MEGF11: variants seen among roughly 807,000 people sequenced by gnomAD.
MEGF11 encodes multiple EGF like domains 11.
A neutral mutation model predicts 146.6 loss-of-function variants in MEGF11; 126 were observed. The ratio of observed to expected loss-of-function variants is 0.86; its 90% CI spans 0.74 to 1.00. The LOEUF is 1.00. Ranked by LOEUF, MEGF11 falls within the 50% of genes least tolerant of loss-of-function variation. MEGF11 has a pLI of 0.00. For missense variants in MEGF11, 1,509 were observed against 1,521.2 expected (o/e 0.99, Z 0.13); for synonymous variants, 532 against 583.4 (o/e 0.91, Z 1.27).
At chr15:66,048,233 A>C (rs1325626001) in intron 5 of MEGF11, among the ~76,000 whole-genome samples, 6 of 152,232 alleles carry the variant, frequency 3.9e-5, no homozygotes, top group Non-Finnish European at 7.3e-5. Context: ...GGCATGAGGC[A>C]CCGCGCCCAG....
At chr15:65,977,166 C>CAAAAAAAA (rs372969314) in intron 7 of MEGF11, among the ~76,000 whole-genome samples, 8 of 91,306 alleles carry the variant, frequency 8.8e-5, no homozygotes, top group Non-Finnish European at 1.5e-4. Context: ...GACTCCGTCT[C>CAAAAAAAA]AAAAAAAAAA....
chr15:65,973,742 T>C (rs1276403980), intron 7 of MEGF11, among the ~76,000 whole-genome samples: 2 of 152,260 alleles, frequency 1.3e-5, no homozygotes, highest in East Asian at 3.8e-4. Flanking sequence ...AATCTTATTC[T>C]GTGGCAGAAA....
Position 65,906,133 on chromosome 15 carries a change from C to T in MEGF11, c.3007G>A (p.Gly1003Arg). ...PAEPHSPGAC[G>R]MDRRQNTYIM... ...TATGTGTTCTGACGTCTATCCATTC[C>T]ACAAGCACCTGTGTAAAAATAACAT... The change falls in exon 24 of 26, where the codon GGA becomes AGA. Residue 1003 changes from glycine (G) to arginine (R), a missense_variant. Transcript: ENST00000395614. 6.2e-7 allele frequency: 1 copy of T among 1,609,476 alleles called. No homozygotes were observed. Among genetic ancestry groups the T allele is most frequent in the Non-Finnish European group, 8.5e-7 (1 of 1,177,746 alleles).
At chr15:66,111,138 TA>T (rs1567245611) in intron 4 of MEGF11, among the ~76,000 whole-genome samples, 1 of 152,168 alleles carries the variant, frequency 6.6e-6, no homozygotes, top group African/African-American at 2.4e-5. Flanking sequence ...TTCTGTCCTG[TA>T]AAAGGGCAGT....
intron 1 of MEGF11, among the ~76,000 whole-genome samples, chr15:66,222,278 G>A (rs942729960): frequency 2.0e-5 from 3 of 151,918 alleles, no homozygotes; most frequent in South Asian, 4.2e-4. Flanking sequence ...GCCCTGCCTC[G>A]CCATTCATCC....
At chr15:65,948,230 G>C (rs2080268302) in intron 10 of MEGF11, among the ~76,000 whole-genome samples, 1 of 152,112 alleles carries the variant, frequency 6.6e-6, no homozygotes, top group African/African-American at 2.4e-5. Context: ...AGTAGGCTGG[G>C]AGTCATGTCG....
chr15:65,972,852 C>T (rs1190959633), intron 7 of MEGF11, among the ~76,000 whole-genome samples: 8 of 151,912 alleles, frequency 5.3e-5, no homozygotes, highest in African/African-American at 1.5e-4. Context: ...AAGCTGGGCA[C>T]GGTGGCTCAC....
At chr15:66,242,441 G>A (rs1426103653) in intron 1 of MEGF11, among the ~76,000 whole-genome samples, 1 of 126,588 alleles carries the variant, frequency 7.9e-6, no homozygotes, top group Non-Finnish European at 1.6e-5. Flanking sequence ...GAAAGAAAAA[G>A]AAGAAGAAAG....
chr15:66,069,987 C>T (rs1288915739), intron 5 of MEGF11, among the ~76,000 whole-genome samples: 1 of 152,154 alleles, frequency 6.6e-6, no homozygotes, highest in East Asian at 1.9e-4. Flanking sequence ...GCTTGCTGAC[C>T]ACCGCTCTAA....
At chr15:66,118,887 G>A (rs1274229665) in intron 4 of MEGF11, among the ~76,000 whole-genome samples, 199 bp downstream of exon 4, 1 of 152,138 alleles carries the variant, frequency 6.6e-6, no homozygotes, top group Non-Finnish European at 1.5e-5. Flanking sequence ...TGATCTGATG[G>A]CCCAACCCTT....
At chr15:66,164,872 G>C (rs1175528951) in intron 1 of MEGF11, among the ~76,000 whole-genome samples, 1 of 152,236 alleles carries the variant, frequency 6.6e-6, no homozygotes, top group African/African-American at 2.4e-5. Context: ...AGGTCCATCT[G>C]TTTGCCAGTT....
chr15:66,112,269 G>A (rs902032200), intron 4 of MEGF11, among the ~76,000 whole-genome samples: 6 of 151,804 alleles, frequency 4.0e-5, no homozygotes, highest in African/African-American at 1.5e-4. Context: ...AGAAGGAATG[G>A]AATTCATAAT....
intron 2 of MEGF11, among the ~76,000 whole-genome samples, chr15:66,125,438 G>A (rs1262290973): frequency 6.6e-6 from 1 of 152,212 alleles, no homozygotes; most frequent in Non-Finnish European, 1.5e-5. Flanking sequence ...GGATGAATGG[G>A]GAGCGTGCAC....
At chr15:66,219,802 G>C (rs2091685792) in intron 1 of MEGF11, among the ~76,000 whole-genome samples, 1 of 152,202 alleles carries the variant, frequency 6.6e-6, no homozygotes, top group Non-Finnish European at 1.5e-5. Flanking sequence ...ATCTATATGA[G>C]AAAGTTTATA....
At chr15:65,924,306 C>T (rs1452358256) in intron 13 of MEGF11, among the ~76,000 whole-genome samples, 1 of 132,864 alleles carries the variant, frequency 7.5e-6, no homozygotes, top group Non-Finnish European at 1.5e-5. Flanking sequence ...CTCAGTTTTG[C>T]AGCAGGGTAG....
At chr15:66,178,680 C>T (rs73471957) in intron 1 of MEGF11, among the ~76,000 whole-genome samples, 1,593 of 152,276 alleles carry the variant, frequency 0.01, 25 homozygotes, top group African/African-American at 0.036. Context: ...TGAGTGCCTC[C>T]TTAAATGTTT....
At chr15:66,028,844 G>A (rs146426686) in intron 5 of MEGF11, among the ~76,000 whole-genome samples, 18 of 152,342 alleles carry the variant, frequency 1.2e-4, no homozygotes, top group African/African-American at 4.3e-4. Context: ...GATCAGAAGG[G>A]ACTATGCAAA....
At chr15:65,997,888 C>A (rs1037178531) in intron 5 of MEGF11, among the ~76,000 whole-genome samples, 1 of 152,082 alleles carries the variant, frequency 6.6e-6, no homozygotes, top group Non-Finnish European at 1.5e-5. Flanking sequence ...GAGAAGGTGA[C>A]CCGGACACTG....
intron 1 of MEGF11, among the ~76,000 whole-genome samples, chr15:66,150,821 GTC>G (rs1846684659): frequency 8.4e-6 from 1 of 119,718 alleles, no homozygotes; most frequent in Non-Finnish European, 1.7e-5. Flanking sequence ...GCAATGCCCT[GTC>G]GAGAGAGAGA....
Sources: gnomAD v4.1 joint callset for allele counts (sites outside exome capture counted in the v4.1 genomes callset) on GRCh38, gnomAD v4.1.1 for gene constraint, MANE v1.5 for transcripts, NCBI Gene and HGNC (gene_info 2026-07-23, HGNC 2026-07-21) for gene names.